Variants in ZFAND6 observed in about 807,000 individuals in gnomAD.
ZFAND6 encodes the protein zinc finger AN1-type containing 6, also known as AN1-type zinc finger protein 6.
A neutral mutation model predicts 24.5 loss-of-function variants in ZFAND6; 12 were observed. The observed-to-expected ratio is 0.49, with a 90% CI of 0.31 to 0.79. The LOEUF is 0.79. ZFAND6 is among the 30% of genes least tolerant of loss of function. The pLI is 0.04. For synonymous variants in ZFAND6, 92 were observed against 81.5 expected, an observed-to-expected ratio of 1.13 and a Z score of -0.69; for missense variants, 207 against 245.9, an observed-to-expected ratio of 0.84 and a Z score of 1.06.
chr15:80,121,687 A>G (rs749641218), intron 3 of ZFAND6, 25 bp from the exon 4 acceptor site: 5 of 1,575,438 alleles, frequency 3.2e-6, no homozygotes, highest in Non-Finnish European at 3.5e-6. Context: ...TAGAATCACT[A>G]ATACGCAATG....
At chr15:80,136,867 C>A (rs2140155) in intron 6 of ZFAND6, among the ~76,000 whole-genome samples, 118,362 of 152,144 alleles carry the variant, frequency 0.78, 46,276 homozygotes, top group Admixed American at 0.85. Flanking sequence ...AATTAAATTC[C>A]TTCCTCATTT....
chr15:80,086,791 GAAACTGTACCCATT>G (rs1459832104), intron 1 of ZFAND6, among the ~76,000 whole-genome samples: 2 of 152,140 alleles, frequency 1.3e-5, no homozygotes, highest in Non-Finnish European at 1.5e-5. Context: ...GTCCCAAACT[GAAACTGTACCCATT>G]AAACTATAAC....
At chr15:80,114,321 A>ATGG (rs2039760136) in intron 2 of ZFAND6, among the ~76,000 whole-genome samples, 1 of 152,230 alleles carries the variant, frequency 6.6e-6, no homozygotes, top group Non-Finnish European at 1.5e-5. Flanking sequence ...CCTGACTCCA[A>ATGG]GCCCATTCTG....
At position 80,126,237 on chromosome 15, in the gene ZFAND6, A is replaced by C. The variant is rs928138699; in HGVS notation, c.364+3437A>C. 3.3e-5 allele frequency among the ~76,000 whole-genome samples: 5 copies of C among 152,196 alleles called. No homozygotes were observed. The East Asian group carries it at 9.6e-4, about 29-fold the overall frequency. ...CAAATCATTGGTTCAGAAAAATCAG[A>C]GGGGGACAGTCTCTTTGGACTGATT... is the stretch of plus-strand genomic sequence containing the variant. On this transcript the variant is annotated intron_variant, in intron 5 of 6. Coordinates refer to ENST00000261749, the MANE Select transcript of ZFAND6 (RefSeq NM_019006.4).
intron 1 of ZFAND6, among the ~76,000 whole-genome samples, chr15:80,064,279 T>C (rs2036488843): frequency 1.3e-5 from 2 of 152,312 alleles, no homozygotes; most frequent in South Asian, 4.1e-4. Context: ...AAAGTTTGAC[T>C]AACATCAAAC....
intron 6 of ZFAND6, 193 bp downstream of exon 6, chr15:80,131,486 T>C: frequency 2.1e-6 from 1 of 472,448 alleles, no homozygotes; most frequent in Non-Finnish European, 3.7e-6. Flanking sequence ...GAATAGCTTT[T>C]TTAAAAAAAG....
intron 5 of ZFAND6, among the ~76,000 whole-genome samples, chr15:80,124,628 G>A (rs762766295): frequency 6.6e-6 from 1 of 152,070 alleles, no homozygotes; most frequent in Non-Finnish European, 1.5e-5. Context: ...AAACAATACC[G>A]TTTTCTCCAC....
intron 1 of ZFAND6, among the ~76,000 whole-genome samples, chr15:80,084,406 T>A (rs188900936): frequency 2.6e-5 from 4 of 152,236 alleles, no homozygotes; most frequent in South Asian, 2.1e-4. Flanking sequence ...TACAAAAAAA[T>A]TTGAAATCTG....
chr15:80,085,066 C>T lies in ZFAND6; in HGVS notation c.-180-13350C>T, dbSNP rs1488355449. Among the ~76,000 whole-genome samples the T allele has an allele frequency of 2.0e-5, 3 of 152,230 alleles. No homozygotes were observed. In the East Asian group the frequency reaches 5.8e-4, roughly 29 times the overall value. ...AGCTTTCATCTTTCAAAGGACGCCACTTTCCTCCTGGTCCTCAAGTGTTGG... is the reference window on the plus strand; with the variant it reads ...AGCTTTCATCTTTCAAAGGACGCCATTTTCCTCCTGGTCCTCAAGTGTTGG... On this transcript the variant is annotated intron_variant, in intron 1 of 6. Transcript: ENST00000261749.
chr15:80,087,074 C>T (rs2038051629), intron 1 of ZFAND6, among the ~76,000 whole-genome samples: 1 of 152,160 alleles, frequency 6.6e-6, no homozygotes, highest in African/African-American at 2.4e-5. Context: ...TGTATGGACA[C>T]TTGGCTGCTT....
At chr15:80,087,171 C>T (rs893885271) in intron 1 of ZFAND6, among the ~76,000 whole-genome samples, 2 of 152,014 alleles carry the variant, frequency 1.3e-5, no homozygotes, top group Admixed American at 1.3e-4. Flanking sequence ...TGGGTAGAAA[C>T]CTAGGAGTGG....
chr15:80,078,523 G>A (rs1490845955), intron 1 of ZFAND6, among the ~76,000 whole-genome samples: 1 of 152,156 alleles, frequency 6.6e-6, no homozygotes, highest in Non-Finnish European at 1.5e-5. Flanking sequence ...GAACATAAAC[G>A]AGTGCATGTG....
intron 2 of ZFAND6, among the ~76,000 whole-genome samples, chr15:80,115,629 CT>C (rs1185904499): frequency 6.6e-6 from 1 of 152,012 alleles, no homozygotes; most frequent in East Asian, 1.9e-4. Context: ...CTTTTTCAGT[CT>C]TTCTGACTCT....
At chr15:80,085,772 T>C (rs1302559930) in intron 1 of ZFAND6, among the ~76,000 whole-genome samples, 6 of 152,194 alleles carry the variant, frequency 3.9e-5, no homozygotes, top group African/African-American at 1.2e-4. Flanking sequence ...GGATATTTTG[T>C]GAAATCTTTA....
intron 1 of ZFAND6, among the ~76,000 whole-genome samples, chr15:80,081,326 A>G (rs2037654110): frequency 6.6e-6 from 1 of 152,180 alleles, no homozygotes; most frequent in South Asian, 2.1e-4. Context: ...TTCTGGAGGA[A>G]ACTCACATAC....
At chr15:80,116,756 T>G (rs1463092036) in intron 2 of ZFAND6, among the ~76,000 whole-genome samples, 1 of 152,188 alleles carries the variant, frequency 6.6e-6, no homozygotes, top group African/African-American at 2.4e-5. Context: ...TAAACTTTCT[T>G]AAAGCATTAT....
At chr15:80,128,302 A>G (rs1005393607) in intron 5 of ZFAND6, among the ~76,000 whole-genome samples, 1 of 152,250 alleles carries the variant, frequency 6.6e-6, no homozygotes, top group Non-Finnish European at 1.5e-5. Context: ...TATACTTTAA[A>G]GAGTGAATTT....
intron 1 of ZFAND6, among the ~76,000 whole-genome samples, chr15:80,079,800 G>A (rs1396622383): frequency 1.3e-5 from 2 of 149,948 alleles, no homozygotes; most frequent in African/African-American, 4.9e-5. Context: ...ACAGGCGCCC[G>A]CCACCACGCC....
chr15:80,082,078 C>G lies in ZFAND6; in HGVS notation c.-180-16338C>G, dbSNP rs116585636. ...TCTGGATATGCCAACCAAAATTTTG[C>G]TGGTTTAGCAGGTGCCATTTAATTT... On this transcript the variant is annotated intron_variant, in intron 1 of 6. Coordinates refer to ENST00000261749, the MANE Select transcript of ZFAND6 (RefSeq NM_019006.4). Among the ~76,000 whole-genome samples the G allele has an allele frequency of 1.6e-3, 245 of 152,222 alleles. 1 individual carries two copies. The highest frequency in any genetic ancestry group is 6.8e-3 in the Middle Eastern group (2 of 294).
Sources: gnomAD v4.1 joint callset for allele counts (sites outside exome capture counted in the v4.1 genomes callset) on GRCh38, gnomAD v4.1.1 for gene constraint, MANE v1.5 for transcripts, NCBI Gene and HGNC (gene_info 2026-07-23, HGNC 2026-07-21) for gene names.